RYR1: variants seen among roughly 807,000 people sequenced by gnomAD.
The protein encoded by RYR1 is ryanodine receptor 1.
Under a neutral mutation model 583.5 loss-of-function variants are expected in RYR1, and 342 were observed. That is an observed-to-expected ratio of 0.59 (90% CI 0.54 to 0.64). The LOEUF is 0.64. Among genes scored for constraint, RYR1 ranks in the 30% least tolerant of loss-of-function variants. RYR1 has a pLI of 0.00. For synonymous variants in RYR1, 2,791 were observed against 2,822.5 expected, an observed-to-expected ratio of 0.99 and a Z score of 0.35; for missense variants, 6,032 against 6,917.2, an observed-to-expected ratio of 0.87 and a Z score of 4.54.
rs3745851 is a variant in RYR1, at chr19:38,499,270, C to T, written c.7027+27C>T. The T allele has an allele frequency of 5.4e-3, 8,753 of 1,613,978 alleles. 235 individuals carry two copies. In the East Asian group the frequency reaches 0.073, roughly 13 times the overall value. ...TGAGGAGGGGGTGGCAGTGGCAGAG[C>T]GGGAAGTATGGAGTCACTGGTCACA... On this transcript the variant is annotated intron_variant, in intron 43 of 105. Transcript: ENST00000359596. This position sits in a 1 kb window ranked among gnomAD's most constrained non-coding sequence, Gnocchi z 7.3.
Position 38,580,441 on chromosome 19 carries a change from C to T in RYR1, c.14583C>T (p.Arg4861=). 6.2e-7 allele frequency: 1 copy of T among 1,614,144 alleles called. No homozygotes were observed. Among genetic ancestry groups the T allele is most frequent in the Non-Finnish European group, 8.5e-7 (1 of 1,180,030 alleles). The change falls in exon 101 of 106, where the codon CGC becomes CGT. Residue 4861 remains arginine, a synonymous_variant. Coordinates refer to ENST00000359596, the MANE Select transcript of RYR1 (RefSeq NM_000540.3). ...CCGTGGTGGCCTTCAACTTCTTCCG[C>T]AAGTTCTACAACAAGAGCGAGGATG... is the stretch of plus-strand genomic sequence containing the variant. ...LYTVVAFNFF[R]KFYNKSEDED... is the part of the protein sequence containing the mutation.
rs1451185735 is a variant in RYR1, at chr19:38,525,469, C to T, written c.10593C>T (p.Asp3531=). 6.2e-7 allele frequency: 1 copy of T among 1,613,894 alleles called. No individual in the cohort carries two copies. The highest frequency in any genetic ancestry group is 8.5e-7 in the Non-Finnish European group (1 of 1,179,974). Residue 3531 remains aspartate (D), a synonymous_variant, in exon 71 of 106, where the codon GAC becomes GAT. Coordinates refer to ENST00000359596, the MANE Select transcript of RYR1 (RefSeq NM_000540.3). ...ATATGTGTGCGCCCACCGACCAAGA[C>T]CTCATCACGCTGGCCAAGACCCGTT... The part of the protein sequence containing the change: ...GLNMCAPTDQ[D]LITLAKTRYA...
intron 69 of RYR1, among the ~76,000 whole-genome samples, 174 bp from the exon 70 acceptor site, chr19:38,523,741 C>G (rs535230337): frequency 6.6e-6 from 1 of 152,090 alleles, no homozygotes; most frequent in East Asian, 1.9e-4. Flanking sequence ...CTGCCCTTCT[C>G]AGGTCTCAGA....
At chr19:38,462,891 CTTT>C (rs553168266) in intron 20 of RYR1, among the ~76,000 whole-genome samples, 1 of 78,754 alleles carries the variant, frequency 1.3e-5, no homozygotes, top group African/African-American at 4.9e-5. Flanking sequence ...ACTCTCTCTT[CTTT>C]TTTTTTTTTT....
chr19:38,548,540 G>A, intron 89 of RYR1, 120 bp downstream of exon 89: 1 of 900,372 alleles, frequency 1.1e-6, no homozygotes, highest in Non-Finnish European at 1.8e-6. Flanking sequence ...TTCCTTGTTT[G>A]TAAAATGAGG....
At chr19:38,450,571 T>G (rs144826237) in intron 11 of RYR1, among the ~76,000 whole-genome samples, 5 of 152,018 alleles carry the variant, frequency 3.3e-5, no homozygotes, top group Non-Finnish European at 7.4e-5. Flanking sequence ...GGTTCCATGG[T>G]GAAATGCAGG....
At chr19:38,511,753 G>A in intron 61 of RYR1, 143 bp downstream of exon 61, 3 of 1,061,798 alleles carry the variant, frequency 2.8e-6, no homozygotes, top group East Asian at 4.9e-5. Flanking sequence ...AGGTATCCGG[G>A]GGGTAGGGCA....
At chr19:38,460,686 C>A in intron 20 of RYR1, 95 bp downstream of exon 20, 1 of 1,223,082 alleles carries the variant, frequency 8.2e-7, no homozygotes, top group Non-Finnish European at 1.2e-6. Context: ...GTAATCCCAG[C>A]ACTTTGGATG....
rs775442275 is a variant in RYR1 at position 38,466,157 on chromosome 19, G to A, written c.2937G>A (p.Ala979=). 95 of 1,613,144 alleles carry A rather than the reference G, an allele frequency of 5.9e-5. 1 individual carries two copies. Among genetic ancestry groups the A allele is most frequent in the South Asian group, 9.9e-5 (9 of 91,018 alleles). ...LDLSHVRLTP[A]QTTLVDRLAE... ...TGAGCCACGTGCGGCTGACGCCGGCGCAGACGACACTGGTGGACCGTCTGG... is the reference window on the plus strand; with the variant it reads ...TGAGCCACGTGCGGCTGACGCCGGCACAGACGACACTGGTGGACCGTCTGG... The change falls in exon 24 of 106, where the codon GCG becomes GCA. Residue 979 remains alanine, a synonymous_variant. Transcript: ENST00000359596.
Position 38,477,870 on chromosome 19 carries a change from G to A in RYR1, c.4454G>A (p.Ser1485Asn), listed in dbSNP as rs1317036540. 6.2e-7 allele frequency: 1 copy of A among 1,612,748 alleles called. No individual in the cohort carries two copies. Among genetic ancestry groups the A allele is most frequent in the Non-Finnish European group, 8.5e-7 (1 of 1,179,538 alleles). ...MGDEQGNVHS[S>N]LKCSNCYMVW... ...GATGAACAAGGCAACGTCCACAGCA[G>A]GTGCCGGGGCTGGGGGGAGGTGGGA... The change falls in exon 30 of 106, where the codon AGC (serine) becomes AAC (asparagine). Residue 1485 changes from serine (S) to asparagine (N), a missense_variant and splice_region_variant. Transcript: ENST00000359596.
At chr19:38,575,533 G>A (rs1036294442) in intron 96 of RYR1, among the ~76,000 whole-genome samples, 1 of 150,086 alleles carries the variant, frequency 6.7e-6, no homozygotes, top group Non-Finnish European at 1.5e-5. Flanking sequence ...GCGTGGTGGT[G>A]GGCGCCTGTA....
chr19:38,517,627 TATCCTGAGAATC>T lies in RYR1; in HGVS notation c.9958_9969del (p.Leu3320_Ile3323del). On this transcript the variant is annotated inframe_deletion, in exon 66 of 106. Coordinates refer to ENST00000359596, the MANE Select transcript of RYR1 (RefSeq NM_000540.3). Reference sequence around the variant, plus strand: ...ACCACCTCAACTCCCTGCTGGGGAATATCCTGAGAATCATCGTCAACAACCTGGGCATTGACG... The same window carrying T: ...ACCACCTCAACTCCCTGCTGGGGAATATCGTCAACAACCTGGGCATTGACG... The T allele has an allele frequency of 6.2e-7, 1 of 1,614,098 alleles. No homozygotes were observed. Among genetic ancestry groups the T allele is most frequent in the Non-Finnish European group, 8.5e-7 (1 of 1,180,006 alleles).
At chr19:38,446,322 T>C (rs1972938357) in intron 7 of RYR1, 150 bp from the exon 8 acceptor site, 1 of 690,628 alleles carries the variant, frequency 1.4e-6, no homozygotes, top group African/African-American at 1.8e-5. Context: ...GGCCTGAAAA[T>C]ACCCTGAAAC....
chr19:38,577,954 C>T lies in RYR1; in HGVS notation c.14209C>T (p.Arg4737Trp), dbSNP rs193922867. The change falls in exon 98 of 106, where the codon CGG becomes TGG. Residue 4737 changes from arginine to tryptophan, a missense_variant. Coordinates refer to ENST00000359596, the MANE Select transcript of RYR1 (RefSeq NM_000540.3). ...DKHGDIYGRE[R>W]IAELLGMDLA... ...ACATGGGGACATCTACGGGCGGGAG[C>T]GGATTGCTGAGCTACTGGGCATGGA... 3.1e-6 allele frequency: 5 copies of T among 1,613,898 alleles called. No homozygotes were observed. Among genetic ancestry groups the T allele is most frequent in the Non-Finnish European group, 4.2e-6 (5 of 1,180,004 alleles).
chr19:38,434,656 C>T (rs986910951), intron 1 of RYR1, among the ~76,000 whole-genome samples: 2 of 152,124 alleles, frequency 1.3e-5, no homozygotes, highest in African/African-American at 4.8e-5. Context: ...CCAGAATAGC[C>T]GGCTTTTCTG....
intron 83 of RYR1, 98 bp downstream of exon 83, chr19:38,536,865 A>T (rs1235632450): frequency 7.7e-7 from 1 of 1,305,778 alleles, no homozygotes; most frequent in African/African-American, 1.5e-5. Context: ...TGGGACGTGG[A>T]GGGGAGGGAG....
Position 38,499,487 on chromosome 19 carries a change from G to C in RYR1, c.7028-148G>C. ...CCTAGAGGTGTTGGGTCCTGGGGCT[G>C]GCAGGGGCCTGGTGTTACCTCTGGA... On this transcript the variant is annotated intron_variant, in intron 43 of 105. Transcript: ENST00000359596. This position sits in a 1 kb window ranked among gnomAD's most constrained non-coding sequence, Gnocchi z 7.3. The C allele has an allele frequency of 9.7e-7, 1 of 1,033,260 alleles. No individual in the cohort carries two copies. The highest frequency in any genetic ancestry group is 1.4e-6 in the Non-Finnish European group (1 of 701,970). The allele number at this position is 1,033,260 out of a possible 1,614,324, so 64.0% of individuals were successfully genotyped here.
At chr19:38,511,483 T>A (rs376099846) in intron 60 of RYR1, 78 bp from the exon 61 acceptor site, 1 of 1,451,368 alleles carries the variant, frequency 6.9e-7, no homozygotes, top group Non-Finnish European at 9.6e-7. Context: ...TCTCCTCTAA[T>A]TGGGTCACGC....
intron 63 of RYR1, among the ~76,000 whole-genome samples, chr19:38,514,272 TTTTTTTTTAA>T (rs1198874444): frequency 1.4e-5 from 2 of 143,728 alleles, no homozygotes; most frequent in African/African-American, 5.4e-5. Flanking sequence ...TCTAAAAAAA[TTTTTTTTTAA>T]TTTTTTTTTT....
Sources: allele counts gnomAD v4.1 joint callset (sites outside exome capture counted in the v4.1 genomes callset), GRCh38; gene constraint gnomAD v4.1.1; non-coding constraint Gnocchi (gnomAD v3.1); transcripts MANE v1.5; gene names NCBI Gene and HGNC (gene_info 2026-07-23, HGNC 2026-07-21).